Variants in BBS1 observed in about 807,000 individuals in gnomAD.
BBS1 encodes BBSome complex member BBS1.
In BBS1, 60 loss-of-function variants were observed where a neutral mutation model predicts 73.9. The observed-to-expected ratio is 0.81, with a 90% CI of 0.66 to 1.01. The LOEUF is 1.01. BBS1 is among the 50% of genes least tolerant of loss of function. The pLI, the probability that BBS1 is intolerant of heterozygous loss-of-function variation, is 0.00. For synonymous variants in BBS1, 283 were observed against 317.4 expected, an observed-to-expected ratio of 0.89 and a Z score of 1.15; for missense variants, 718 against 770.3, an observed-to-expected ratio of 0.93 and a Z score of 0.80.
intron 7 of BBS1, among the ~76,000 whole-genome samples, chr11:66,516,954 T>C (rs886313247): frequency 6.6e-6 from 1 of 152,048 alleles, no homozygotes; most frequent in African/African-American, 2.4e-5. Context: ...AATCCCAGCA[T>C]TTTGGGAGGC....
intron 13 of BBS1, among the ~76,000 whole-genome samples, 179 bp from the exon 14 acceptor site, chr11:66,529,640 G>A (rs528530347): frequency 1.3e-5 from 2 of 151,892 alleles, no homozygotes; most frequent in East Asian, 1.9e-4. Flanking sequence ...GCGAGGCCAC[G>A]GCGTCGAGTT....
intron 9 of BBS1, chr11:66,521,757 T>G: frequency 3.3e-6 from 1 of 303,734 alleles, no homozygotes; most frequent in South Asian, 3.0e-5. Flanking sequence ...AATACAAAAT[T>G]AGCTGGGCAT....
chr11:66,523,526 G>T lies in BBS1; in HGVS notation c.901G>T (p.Val301Phe). 6.2e-7 allele frequency: 1 copy of T among 1,614,096 alleles called. No homozygotes were observed. The highest frequency in any genetic ancestry group is 8.5e-7 in the Non-Finnish European group (1 of 1,180,002). The change falls in exon 10 of 17, where the codon GTC becomes TTC. Residue 301 changes from valine to phenylalanine, a missense_variant. Coordinates refer to ENST00000318312, the MANE Select transcript of BBS1 (RefSeq NM_024649.5). ...TGTGGGACTTATCCGGGTACACAAG[G>T]TCCTAGTGGTGGGCAGCACCCAAGA... ...QPVGLIRVHKVLVVGSTQDSL... is the reference protein window; with the variant it reads ...QPVGLIRVHKFLVVGSTQDSL...
Position 66,510,685 on chromosome 11 carries a change from C to T in BBS1, c.26C>T (p.Ser9Phe). Reference sequence around the variant, plus strand: ...ATGGCCGCTGCGTCCTCATCGGATTCCGACGCCTGCGGAGCTGAGAGGTGA... The same window carrying T: ...ATGGCCGCTGCGTCCTCATCGGATTTCGACGCCTGCGGAGCTGAGAGGTGA... The part of the protein sequence containing the change: MAAASSSD[S>F]DACGAESNEA... Residue 9 changes from serine (S) to phenylalanine (F), a missense_variant, in exon 1 of 17, where the codon TCC becomes TTC. Physicochemically the swap from Ser to Phe is radical, Grantham distance 155. Coordinates refer to ENST00000318312, the MANE Select transcript of BBS1 (RefSeq NM_024649.5). 1 of 1,614,188 alleles carries T rather than the reference C, an allele frequency of 6.2e-7. No homozygotes were observed. The highest frequency in any genetic ancestry group is 8.5e-7 in the Non-Finnish European group (1 of 1,180,018).
chr11:66,514,838 G>A (rs1277762032), intron 4 of BBS1, among the ~76,000 whole-genome samples, 160 bp downstream of exon 4: 1 of 150,938 alleles, frequency 6.6e-6, no homozygotes, highest in East Asian at 1.9e-4. Flanking sequence ...TTTTTGAGAC[G>A]GAGTTTCACT....
chr11:66,521,192 A>T, intron 8 of BBS1, 78 bp from the exon 9 acceptor site: 2 of 1,067,354 alleles, frequency 1.9e-6, no homozygotes, highest in South Asian at 1.3e-5. Flanking sequence ...CCAGGCACTC[A>T]CTCAGAGGAG....
At chr11:66,529,307 A>G (rs1431628403) in intron 13 of BBS1, 9 of 1,536,220 alleles carry the variant, frequency 5.9e-6, no homozygotes, top group South Asian at 1.2e-5. Context: ...TGACGGAGGC[A>G]GGACCATGAG....
At position 66,531,974 on chromosome 11, in the gene BBS1, A is replaced by G. The variant is rs150553044; in HGVS notation, c.1719A>G (p.Gln573=). The G allele has an allele frequency of 4.5e-4, 719 of 1,603,838 alleles. 2 individuals are homozygous for G. The African/African-American group carries it at 7.1e-3, about 16-fold the overall frequency. Residue 573 remains glutamine (Q), a synonymous_variant, in exon 17 of 17, where the codon CAA becomes CAG. Transcript: ENST00000318312. The part of the protein sequence containing the change: ...IIKVLVLREG[Q]SAPLLSAHVN... ...AGGTGCTGGTGCTTCGAGAAGGCCA[A>G]AGTGCACCCCTGCTGAGTGCCCACG... is the stretch of plus-strand genomic sequence containing the variant.
chr11:66,526,859 C>G (rs1310386181), intron 13 of BBS1, 52 bp downstream of exon 13: 1 of 1,613,974 alleles, frequency 6.2e-7, no homozygotes, highest in African/African-American at 1.3e-5. Flanking sequence ...TGCTCCTACA[C>G]AGCAAAGCTG....
chr11:66,532,101 C>A lies in BBS1; in HGVS notation c.*64C>A. On this transcript the variant is annotated 3_prime_UTR_variant, in exon 17 of 17. Transcript: ENST00000318312. ...GGGAGAACTGGGCGGGTTTAGTGGCCCCAGGCCCACTCCTCATGCAGCAGT... is the reference window on the plus strand; with the variant it reads ...GGGAGAACTGGGCGGGTTTAGTGGCACCAGGCCCACTCCTCATGCAGCAGT... 1 of 1,494,092 alleles carries A rather than the reference C, an allele frequency of 6.7e-7. No homozygotes were observed. Among genetic ancestry groups the A allele is most frequent in the Non-Finnish European group, 9.1e-7 (1 of 1,099,826 alleles). The allele number at this position is 1,494,092 out of a possible 1,614,324, so 92.6% of individuals were successfully genotyped here.
At chr11:66,526,902 G>A in intron 13 of BBS1, 95 bp downstream of exon 13, 1 of 1,611,198 alleles carries the variant, frequency 6.2e-7, no homozygotes, top group Non-Finnish European at 8.5e-7. Context: ...TGTGCACTGG[G>A]AGGAGATCTC....
chr11:66,533,139 G>A lies in BBS1; in HGVS notation c.*1102G>A, dbSNP rs1268865066. ...ATACATGAACCGTGCCATGAGGACA[G>A]TAAGTGTTCATAAAGCAACATGAAG... On this transcript the variant is annotated 3_prime_UTR_variant, in exon 17 of 17. Coordinates refer to ENST00000318312, the MANE Select transcript of BBS1 (RefSeq NM_024649.5). 1 of 152,248 alleles carries A rather than the reference G, an allele frequency of 6.6e-6. No homozygotes were observed. The highest frequency in any genetic ancestry group is 2.1e-4 in the South Asian group (1 of 4,830). 9.4% of individuals were successfully genotyped at this position (152,248 alleles called of 1,614,324 possible).
At position 66,533,024 on chromosome 11, in the gene BBS1, A is replaced by G. The variant is rs943272913; in HGVS notation, c.*987A>G. On this transcript the variant is annotated 3_prime_UTR_variant, in exon 17 of 17. Transcript: ENST00000318312. ...CAGGAAAGGCGGGGCCTTTCTTGTC[A>G]TAGCTATTTCTGAGGATGAAATGGG... The G allele has an allele frequency of 2.0e-5, 3 of 152,246 alleles. No individual in the cohort carries two copies. Among genetic ancestry groups the G allele is most frequent in the Non-Finnish European group, 4.4e-5 (3 of 68,048 alleles). The allele number at this position is 152,246 out of a possible 1,614,324, so 9.4% of individuals were successfully genotyped here.
chr11:66,521,879 T>G (rs1590763329), intron 9 of BBS1, among the ~76,000 whole-genome samples: 2 of 111,716 alleles, frequency 1.8e-5, no homozygotes, highest in Admixed American at 1.4e-4. Context: ...CACTCCAGCC[T>G]GGGTAACGGA....
chr11:66,527,141 GGT>G, intron 13 of BBS1: 1 of 865,362 alleles, frequency 1.2e-6, no homozygotes, highest in East Asian at 2.7e-5. Context: ...CTTTGGCAGA[GGT>G]GGGAGGACAG....
chr11:66,517,784 T>C (rs1856083999), intron 7 of BBS1, among the ~76,000 whole-genome samples: 1 of 151,844 alleles, frequency 6.6e-6, no homozygotes, highest in Non-Finnish European at 1.5e-5. Flanking sequence ...TATTTATTTT[T>C]TTAAGAGATG....
chr11:66,523,609 G>C (rs374822711), intron 10 of BBS1, 33 bp downstream of exon 10: 1 of 1,613,634 alleles, frequency 6.2e-7, no homozygotes, highest in East Asian at 2.2e-5. Context: ...GCCCCTCCAC[G>C]CCTATGTCCC....
At chr11:66,511,264 G>T in intron 3 of BBS1, 25 bp downstream of exon 3, 1 of 1,613,942 alleles carries the variant, frequency 6.2e-7, no homozygotes, top group Non-Finnish European at 8.5e-7. Flanking sequence ...CTAGCCAGGA[G>T]AGTTGAGGGT....
Position 66,511,232 on chromosome 11 carries a change from A to T in BBS1, c.152A>T (p.Glu51Val), listed in dbSNP as rs760793954. 2 of 1,614,074 alleles carry T rather than the reference A, an allele frequency of 1.2e-6. No homozygotes were observed. Among genetic ancestry groups the T allele is most frequent in the East Asian group, 4.5e-5 (2 of 44,882 alleles). The part of the protein sequence containing the change: ...LALADLHGDG[E>V]YKLVVGDLGP... ...CTGGCAGATTTACATGGGGATGGGG[A>T]ATACAAGGTAAGCATATCACCCTAG... The change falls in exon 3 of 17, where the codon GAA (glutamate) becomes GTA (valine). Residue 51 changes from glutamate to valine, a missense_variant. Coordinates refer to ENST00000318312, the MANE Select transcript of BBS1 (RefSeq NM_024649.5).
Sources: gnomAD v4.1 joint callset for allele counts (sites outside exome capture counted in the v4.1 genomes callset) on GRCh38, gnomAD v4.1.1 for gene constraint, MANE v1.5 for transcripts, NCBI Gene and HGNC (gene_info 2026-07-23, HGNC 2026-07-21) for gene names.